The following C16orf74 variants were observed in gnomAD, a reference collection of about 807,000 sequenced individuals.
C16orf74 encodes the protein calcimembrin.
Under a neutral mutation model 6.5 loss-of-function variants are expected in C16orf74, and 10 were observed. The observed-to-expected ratio is 1.54, with a 90% CI of 0.95 to 2.61. C16orf74 has a LOEUF of 2.61. C16orf74 is among the 30% of genes most tolerant of loss of function. C16orf74 has a pLI of 0.00. For synonymous variants in C16orf74, 60 were observed against 42.5 expected (o/e 1.41, Z -1.60); for missense variants, 141 against 105.9 (o/e 1.33, Z -1.45).
intron 2 of C16orf74, among the ~76,000 whole-genome samples, chr16:85,733,436 T>A (rs1323561567): frequency 1.3e-5 from 2 of 152,062 alleles, no homozygotes; most frequent in Admixed American, 6.6e-5. Flanking sequence ...AGAGTTTCAG[T>A]TGGAGATGAT....
At chr16:85,745,685 G>C (rs762219214) in intron 1 of C16orf74, among the ~76,000 whole-genome samples, 1 of 151,016 alleles carries the variant, frequency 6.6e-6, no homozygotes, top group African/African-American at 2.4e-5. Context: ...ATCTCCCGCT[G>C]GCTGGAGGGA....
intron 2 of C16orf74, among the ~76,000 whole-genome samples, chr16:85,718,793 C>A (rs900916782): frequency 3.9e-5 from 6 of 152,234 alleles, no homozygotes; most frequent in Admixed American, 3.3e-4. Flanking sequence ...ATCCACATCA[C>A]GTGATTTGAA....
intron 1 of C16orf74, among the ~76,000 whole-genome samples, chr16:85,744,812 A>AAGACGAAACTCT: frequency 2.2e-5 from 3 of 134,714 alleles, no homozygotes; most frequent in African/African-American, 2.8e-5. Context: ...CCTGGGCAAC[A>AAGACGAAACTCT]GAGCAAGACT....
At chr16:85,728,803 G>A (rs1414848864) in intron 2 of C16orf74, among the ~76,000 whole-genome samples, 3 of 152,184 alleles carry the variant, frequency 2.0e-5, no homozygotes, top group Non-Finnish European at 4.4e-5. Flanking sequence ...CACGGGAAGT[G>A]ACTTGCACAA....
rs376689280 is a variant in C16orf74, at chr16:85,710,168, G to C, written c.168C>G (p.Ser56Arg). ...TGMMLPRDLG[S>R]TVWLDETGSC... ...CGGTGGAGGGGACGGCCTCACCTGT[G>C]CTCCCCAAGTCCCTCGGCAGCATCA... Residue 56 changes from serine to arginine, a missense_variant, in exon 3 of 4, where the codon AGC (serine) becomes AGG (arginine). By Grantham distance (110) the Ser-to-Arg change is moderately radical. Transcript: ENST00000284245. The C allele has an allele frequency of 6.9e-7, 1 of 1,446,618 alleles. No homozygotes were observed. 89.6% of individuals were successfully genotyped at this position (1,446,618 alleles called of 1,614,324 possible).
chr16:85,734,264 T>C (rs1442417280), intron 2 of C16orf74, among the ~76,000 whole-genome samples: 3 of 152,182 alleles, frequency 2.0e-5, no homozygotes, highest in African/African-American at 7.2e-5. Flanking sequence ...GTGCTCCCGG[T>C]GACCTGAGAC....
chr16:85,722,971 G>T (rs1055948197), intron 2 of C16orf74, among the ~76,000 whole-genome samples: 2 of 152,196 alleles, frequency 1.3e-5, no homozygotes, highest in Non-Finnish European at 2.9e-5. Flanking sequence ...ACTTGCCCAA[G>T]ATCACACAGC....
At chr16:85,714,162 C>T (rs907249451) in intron 2 of C16orf74, among the ~76,000 whole-genome samples, 2 of 152,024 alleles carry the variant, frequency 1.3e-5, no homozygotes, top group African/African-American at 4.8e-5. Context: ...GGGAATCAGC[C>T]GACTCCCTGG....
intron 2 of C16orf74, among the ~76,000 whole-genome samples, chr16:85,716,533 A>AG (rs1357797613): frequency 8.9e-6 from 1 of 112,436 alleles, no homozygotes; most frequent in Non-Finnish European, 1.8e-5. Flanking sequence ...GAGAAGGAAG[A>AG]GGAGGGAGGG....
chr16:85,726,539 A>C (rs2054134732), intron 2 of C16orf74, among the ~76,000 whole-genome samples: 1 of 152,108 alleles, frequency 6.6e-6, no homozygotes, highest in East Asian at 1.9e-4. Context: ...CGCAGGCAGG[A>C]GCCTGAGCCC....
At position 85,714,798 on chromosome 16, in the gene C16orf74, A is replaced by G. The variant is rs112593989; in HGVS notation, c.29-4491T>C. Among the ~76,000 whole-genome samples the G allele has an allele frequency of 6.6e-3, 997 of 151,932 alleles. 7 individuals are homozygous for G. The highest frequency in any genetic ancestry group is 0.022 in the African/African-American group (927 of 41,450). ...AGCCCAACAGAACTCCGAGCCCCTC[A>G]GCGGCACCCACACAGTCCCATCGAA... On this transcript the variant is annotated intron_variant, in intron 2 of 3. Coordinates refer to ENST00000284245, the MANE Select transcript of C16orf74 (RefSeq NM_206967.3).
intron 1 of C16orf74, among the ~76,000 whole-genome samples, chr16:85,746,496 G>T (rs2054374709): frequency 6.6e-6 from 1 of 152,224 alleles, no homozygotes; most frequent in African/African-American, 2.4e-5. Context: ...ACTAGACAGG[G>T]AAAGTGAATG....
At chr16:85,733,283 G>C (rs936719597) in intron 2 of C16orf74, among the ~76,000 whole-genome samples, 7 of 152,234 alleles carry the variant, frequency 4.6e-5, no homozygotes, top group African/African-American at 1.7e-4. Flanking sequence ...ACCACACTGA[G>C]TGACGGAGAC....
At chr16:85,727,413 CACAG>C (rs1254221209) in intron 2 of C16orf74, among the ~76,000 whole-genome samples, 1 of 152,230 alleles carries the variant, frequency 6.6e-6, no homozygotes, top group Non-Finnish European at 1.5e-5. Context: ...GAGAAACTGT[CACAG>C]CCAAGAGCCT....
chr16:85,744,814 A>T (rs1319570121), intron 1 of C16orf74, among the ~76,000 whole-genome samples: 3 of 108,424 alleles, frequency 2.8e-5, no homozygotes. Context: ...TGGGCAACAG[A>T]GCAAGACTCC....
At chr16:85,733,777 C>T (rs2054215531) in intron 2 of C16orf74, among the ~76,000 whole-genome samples, 2 of 152,272 alleles carry the variant, frequency 1.3e-5, no homozygotes, top group South Asian at 2.1e-4. Flanking sequence ...TCAGAGGAAG[C>T]CAGGTCCTGG....
intron 2 of C16orf74, among the ~76,000 whole-genome samples, chr16:85,721,513 G>A (rs1443013475): frequency 6.6e-6 from 1 of 152,156 alleles, no homozygotes; most frequent in Non-Finnish European, 1.5e-5. Flanking sequence ...AGTTTTTTTA[G>A]TAGAGGCATG....
intron 2 of C16orf74, among the ~76,000 whole-genome samples, chr16:85,734,050 T>C (rs1028360322): frequency 6.6e-6 from 1 of 152,202 alleles, no homozygotes; most frequent in Non-Finnish European, 1.5e-5. Context: ...TTTTCACGCC[T>C]CCTTACTTCA....
At chr16:85,725,363 C>G (rs145546850) in intron 2 of C16orf74, among the ~76,000 whole-genome samples, 8 of 152,182 alleles carry the variant, frequency 5.3e-5, no homozygotes, top group Non-Finnish European at 1.5e-5. Context: ...CAGTCCCCAC[C>G]GCAGCCCCAT....
Sources: allele counts gnomAD v4.1 joint callset (sites outside exome capture counted in the v4.1 genomes callset), GRCh38; gene constraint gnomAD v4.1.1; transcripts MANE v1.5; gene names NCBI Gene and HGNC (gene_info 2026-07-23, HGNC 2026-07-21).